The following CCDC57 variants were observed in gnomAD, a reference collection of about 807,000 sequenced individuals.
The protein encoded by CCDC57 is coiled-coil domain containing 57.
Under a neutral mutation model 118.9 loss-of-function variants are expected in CCDC57, and 118 were observed. That is an observed-to-expected ratio of 0.99 (90% CI 0.86 to 1.16). The LOEUF is 1.16. Among genes scored for constraint, CCDC57 ranks in the 50% most tolerant of loss-of-function variants. The pLI, the probability that CCDC57 is intolerant of heterozygous loss-of-function variation, is 0.00. For missense variants in CCDC57, 1,300 were observed against 1,320.7 expected (o/e 0.98, Z 0.24); for synonymous variants, 527 against 532.9 (o/e 0.99, Z 0.15).
At position 82,137,205 on chromosome 17, in the gene CCDC57, A is replaced by C. The variant is rs146443036; in HGVS notation, c.2456-3011T>G. Among the ~76,000 whole-genome samples the C allele has an allele frequency of 5.3e-3, 811 of 151,832 alleles. 6 individuals carry two copies. Among genetic ancestry groups the C allele is most frequent in the African/African-American group, 0.019 (767 of 41,392 alleles). On this transcript the variant is annotated intron_variant, in intron 16 of 19. Transcript: ENST00000665763. ...GCTAATTTTTGTATTTTTAGTAGACAAGGGGTTTCACCGTGTTGGCCAGGC... is the reference window on the plus strand; with the variant it reads ...GCTAATTTTTGTATTTTTAGTAGACCAGGGGTTTCACCGTGTTGGCCAGGC...
chr17:82,178,518 C>A lies in CCDC57; in HGVS notation c.1462G>T (p.Val488Leu). ...AGCCCATGCATCCTCAGGGCCTGCA[C>A]GGCCTGGTCTCGTTCCAGGGTCACG... The change falls in exon 11 of 20, where the codon GTG (valine) becomes TTG (leucine). Residue 488 changes from valine (V) to leucine (L), a missense_variant. By Grantham distance (32) the Val-to-Leu change is conservative. Transcript: ENST00000665763. The A allele has an allele frequency of 1.9e-6, 3 of 1,613,770 alleles. No individual in the cohort carries two copies. Among genetic ancestry groups the A allele is most frequent in the Middle Eastern group, 1.7e-4 (1 of 6,060 alleles).
At chr17:82,103,988 C>T (rs1304490144) in intron 19 of CCDC57, among the ~76,000 whole-genome samples, 1 of 152,220 alleles carries the variant, frequency 6.6e-6, no homozygotes, top group African/African-American at 2.4e-5. Context: ...GGCCATGAGC[C>T]CAGGACCCCA....
chr17:82,131,986 C>T (rs951069244), intron 17 of CCDC57, among the ~76,000 whole-genome samples: 8 of 151,346 alleles, frequency 5.3e-5, no homozygotes, highest in Admixed American at 1.3e-4. Context: ...GGCATGCTGG[C>T]GGGCGCCTGT....
At chr17:82,163,074 G>A (rs2043541933) in intron 14 of CCDC57, 126 bp downstream of exon 13, 1 of 1,178,152 alleles carries the variant, frequency 8.5e-7, no homozygotes, top group African/African-American at 1.5e-5. Context: ...GAAAAAAACA[G>A]GCAGAGAGAG....
intron 17 of CCDC57, among the ~76,000 whole-genome samples, chr17:82,133,005 G>A (rs920603895): frequency 2.0e-5 from 3 of 151,982 alleles, no homozygotes; most frequent in Non-Finnish European, 4.4e-5. Context: ...TGATCCACCC[G>A]CCTCGGCCTC....
At chr17:82,175,254 G>A (rs79820881) in intron 11 of CCDC57, among the ~76,000 whole-genome samples, 1,542 of 152,392 alleles carry the variant, frequency 0.01, 34 homozygotes, top group African/African-American at 0.036. Context: ...GCCAGTTACA[G>A]AGCGGGATAC....
At chr17:82,183,518 C>A (rs1307685468) in intron 9 of CCDC57, among the ~76,000 whole-genome samples, 1 of 152,058 alleles carries the variant, frequency 6.6e-6, no homozygotes, top group African/African-American at 2.4e-5. Context: ...CAAGCAGGAG[C>A]ACCTTTATGG....
chr17:82,126,738 G>A (rs765964865), intron 19 of CCDC57: 18 of 985,330 alleles, frequency 1.8e-5, no homozygotes, highest in Non-Finnish European at 1.9e-5. Context: ...CCTGGGGCAC[G>A]TACACGTGTG....
chr17:82,192,575 C>T lies in CCDC57; in HGVS notation c.851+1181G>A, dbSNP rs1292078650. On this transcript the variant is annotated intron_variant, in intron 7 of 19. Transcript: ENST00000665763. This position sits in a 1 kb window ranked among gnomAD's most constrained non-coding sequence, Gnocchi z 4.0. ...TTTGTCCAGCTTCATCATGGCCACA[C>T]GGTGCAGCTAAGCAAGCAGTCCTGC... Among the ~76,000 whole-genome samples, 4 of 152,244 alleles carry T rather than the reference C, an allele frequency of 2.6e-5. No homozygotes were observed. The highest frequency in any genetic ancestry group is 1.9e-4 in the East Asian group (1 of 5,198).
At chr17:82,207,657 C>T (rs914254838) in intron 2 of CCDC57, 1 of 152,240 alleles carries the variant, frequency 6.6e-6, no homozygotes, top group Non-Finnish European at 1.5e-5. Flanking sequence ...CTCTGATCCC[C>T]GAATGCTTGG....
At chr17:82,189,748 G>A (rs921506468) in intron 7 of CCDC57, among the ~76,000 whole-genome samples, 70 of 152,300 alleles carry the variant, frequency 4.6e-4, no homozygotes, top group African/African-American at 1.6e-3. Flanking sequence ...AGCTACTCGG[G>A]AGGCTGAGGC....
intron 19 of CCDC57, chr17:82,113,731 G>A (rs1318569624): frequency 7.1e-6 from 5 of 705,032 alleles, no homozygotes; most frequent in East Asian, 5.4e-5. Flanking sequence ...CCAGGAGTTC[G>A]AGACCAGCCT....
At chr17:82,198,398 G>C (rs1223396175) in exon 4 of CCDC57, 2 of 1,611,798 alleles carry the variant, frequency 1.2e-6, no homozygotes. Context: ...GTTCCCGGTG[G>C]TGGTCAATCT....
intron 17 of CCDC57, among the ~76,000 whole-genome samples, chr17:82,131,888 G>A (rs1352823988): frequency 6.6e-6 from 1 of 152,132 alleles, no homozygotes; most frequent in East Asian, 1.9e-4. Flanking sequence ...GGCTGAGGCA[G>A]GAGGATCACT....
intron 16 of CCDC57, among the ~76,000 whole-genome samples, chr17:82,151,233 G>A (rs57805768): frequency 0.47 from 16,685 of 35,754 alleles, 5,538 homozygotes; most frequent in East Asian, 0.89. Context: ...CCAGAACCTG[G>A]CACACACCCA....
intron 16 of CCDC57, among the ~76,000 whole-genome samples, chr17:82,139,229 A>G (rs1283782243): frequency 6.6e-6 from 1 of 152,240 alleles, no homozygotes; most frequent in African/African-American, 2.4e-5. Flanking sequence ...CCAGATGTCT[A>G]CAGGACAAGC....
At chr17:82,176,441 G>A (rs902350594) in intron 11 of CCDC57, among the ~76,000 whole-genome samples, 1 of 152,206 alleles carries the variant, frequency 6.6e-6, no homozygotes. Context: ...CGGAGCATAT[G>A]CGAAACCGTC....
At chr17:82,101,753 G>C (rs201831183) in exon 20 of CCDC57, 3 of 1,609,776 alleles carry the variant, frequency 1.9e-6, no homozygotes, top group South Asian at 2.2e-5. Context: ...GGATGAGACC[G>C]GGAGGCTCCT....
intron 19 of CCDC57, among the ~76,000 whole-genome samples, chr17:82,103,961 G>A (rs775659474): frequency 6.6e-6 from 1 of 152,186 alleles, no homozygotes; most frequent in Non-Finnish European, 1.5e-5. Context: ...CCTCCTCAGT[G>A]ATGGTGGCAG....
Sources: allele counts gnomAD v4.1 joint callset (sites outside exome capture counted in the v4.1 genomes callset), GRCh38; gene constraint gnomAD v4.1.1; non-coding constraint Gnocchi (gnomAD v3.1); transcripts MANE v1.5; gene names NCBI Gene and HGNC (gene_info 2026-07-23, HGNC 2026-07-21).